Variants in ZNF536 observed in about 807,000 individuals in gnomAD.
The protein encoded by ZNF536 is zinc finger protein 536.
A neutral mutation model predicts 84.5 loss-of-function variants in ZNF536; 13 were observed. That is an observed-to-expected ratio of 0.15 (90% confidence interval 0.10 to 0.24). The LOEUF is 0.24. Ranked by LOEUF, ZNF536 falls within the 10% of genes least tolerant of loss-of-function variation. The probability of loss-of-function intolerance (pLI) is 1.00; values close to 1 mark genes in which losing one functional copy is unlikely to be tolerated. For missense variants in ZNF536, 1,536 were observed against 1,747.5 expected (o/e 0.88, Z 2.16); for synonymous variants, 811 against 742.5 (o/e 1.09, Z -1.50).
intron 1 of ZNF536, among the ~76,000 whole-genome samples, chr19:30,387,163 G>A (rs890882881): frequency 6.6e-6 from 1 of 152,216 alleles, no homozygotes; most frequent in Non-Finnish European, 1.5e-5. Flanking sequence ...GGGCTCCAAT[G>A]TCCCTTGGCT....
At position 30,455,035 on chromosome 19, in the gene ZNF536, A is replaced by AAAACAAAC. The variant is rs56166320; in HGVS notation, c.2170+9331_2170+9338dup. Among the ~76,000 whole-genome samples the AAAACAAAC allele has an allele frequency of 8.8e-3, 1,313 of 149,822 alleles. 9 individuals are homozygous for AAAACAAAC. Among genetic ancestry groups the AAAACAAAC allele is most frequent in the Middle Eastern group, 0.031 (9 of 292 alleles). ...GCAACAAGAGCAAAACTCCATCTCAAAAACAAACAAACAAACAAACAAACA... is the reference window on the plus strand; with the variant it reads ...GCAACAAGAGCAAAACTCCATCTCAAAAACAAACAAACAAACAAACAAACAAACAAACA... On this transcript the variant is annotated intron_variant, in intron 2 of 4. Coordinates refer to ENST00000355537, the MANE Select transcript of ZNF536 (RefSeq NM_014717.3).
rs115947428 is a variant in ZNF536, at chr19:30,610,366, T to C, written c.169+60852T>C. 4.7e-3 allele frequency among the ~76,000 whole-genome samples: 714 copies of C among 152,266 alleles called. 6 individuals carry two copies. The highest frequency in any genetic ancestry group is 0.016 in the African/African-American group (680 of 41,546). On this transcript the variant is annotated intron_variant, in intron 1 of 1. Coordinates refer to the ZNF536 transcript ENST00000592773. ...CTGGGAGAGCTGATACTTCTTCACATGGCAGGCTGGGCTGGCACATTTGGG... is the reference window on the plus strand; with the variant it reads ...CTGGGAGAGCTGATACTTCTTCACACGGCAGGCTGGGCTGGCACATTTGGG...
intron 1 of ZNF536, among the ~76,000 whole-genome samples, chr19:30,252,959 A>G (rs923589090): frequency 6.6e-5 from 10 of 152,236 alleles, no homozygotes; most frequent in Admixed American, 1.3e-4. Flanking sequence ...TAAAGAAGGT[A>G]GAGAATGTTT....
intron 1 of ZNF536, among the ~76,000 whole-genome samples, chr19:30,591,355 T>G (rs565792560): frequency 2.6e-5 from 4 of 152,180 alleles, no homozygotes; most frequent in Non-Finnish European, 5.9e-5. Flanking sequence ...AGAGGTTTAA[T>G]GGACTCACAG....
chr19:30,234,729 G>A (rs1467352359), intron 1 of ZNF536, among the ~76,000 whole-genome samples: 2 of 147,888 alleles, frequency 1.4e-5, no homozygotes, highest in Non-Finnish European at 3.0e-5. Context: ...GCTTTTTGTT[G>A]CTTTATTACT....
At chr19:30,235,881 G>A (rs1434990516) in intron 1 of ZNF536, among the ~76,000 whole-genome samples, 6 of 152,256 alleles carry the variant, frequency 3.9e-5, no homozygotes, top group Non-Finnish European at 8.8e-5. Flanking sequence ...TTGATGCCAA[G>A]TGGCTATTTC....
intron 1 of ZNF536, among the ~76,000 whole-genome samples, chr19:30,393,237 C>T (rs551622251): frequency 1.3e-5 from 2 of 151,896 alleles, no homozygotes; most frequent in Non-Finnish European, 2.9e-5. Flanking sequence ...GGGTTGGGGG[C>T]GGGGGAGAGG....
intron 1 of ZNF536, among the ~76,000 whole-genome samples, chr19:30,701,647 C>G (rs1235985917): frequency 6.6e-6 from 1 of 152,232 alleles, no homozygotes; most frequent in African/African-American, 2.4e-5. Flanking sequence ...AGAGGCCCCT[C>G]TTTGTAGAGA....
Position 30,522,809 on chromosome 19 carries a change from T to G in ZNF536, c.2171-12038T>G, listed in dbSNP as rs1355016927. Among the ~76,000 whole-genome samples the G allele has an allele frequency of 5.2e-4, 79 of 152,192 alleles. 1 individual carries two copies. Among genetic ancestry groups the G allele is most frequent in the Admixed American group, 5.2e-3 (79 of 15,272 alleles). On this transcript the variant is annotated intron_variant, in intron 2 of 4. Transcript: ENST00000355537. ...GCTTTCAATTATCTTAAGGATTTGT[T>G]GATTATTTATTTTAATATGGTTCTA...
At chr19:30,667,400 C>T (rs954762733) in intron 1 of ZNF536, among the ~76,000 whole-genome samples, 16 of 152,252 alleles carry the variant, frequency 1.1e-4, no homozygotes, top group African/African-American at 3.6e-4. Context: ...CACCTGCACC[C>T]TCCCACGCTA....
chr19:30,544,415 T>G (rs2045463344), intron 3 of ZNF536, among the ~76,000 whole-genome samples: 1 of 152,146 alleles, frequency 6.6e-6, no homozygotes, highest in African/African-American at 2.4e-5. Context: ...GAATTAGCCT[T>G]TCTTGTTTCT....
At chr19:30,542,930 G>A (rs1157719063) in intron 3 of ZNF536, among the ~76,000 whole-genome samples, 1 of 152,068 alleles carries the variant, frequency 6.6e-6, no homozygotes, top group Non-Finnish European at 1.5e-5. Flanking sequence ...TCCTGCCTCA[G>A]CCTCCCAAGT....
chr19:30,401,116 C>CA (rs986258078), intron 1 of ZNF536, among the ~76,000 whole-genome samples: 106 of 152,234 alleles, frequency 7.0e-4, no homozygotes, highest in Admixed American at 3.1e-3. Context: ...CCATTTGCTG[C>CA]AAAAAACTCT....
chr19:30,492,275 T>C (rs956448785), intron 2 of ZNF536, among the ~76,000 whole-genome samples: 1 of 152,228 alleles, frequency 6.6e-6, no homozygotes, highest in Non-Finnish European at 1.5e-5. Flanking sequence ...GCGTTTTTAT[T>C]ATATGAGACA....
At chr19:30,325,172 C>T (rs1035092521) in intron 2 of ZNF536, among the ~76,000 whole-genome samples, 58 of 152,194 alleles carry the variant, frequency 3.8e-4, no homozygotes, top group African/African-American at 7.7e-4. Flanking sequence ...AGTGCACAGA[C>T]GCCCGTCTAG....
At chr19:30,367,330 G>A (rs945808194) in intron 3 of ZNF536, among the ~76,000 whole-genome samples, 3 of 152,310 alleles carry the variant, frequency 2.0e-5, no homozygotes, top group Admixed American at 2.0e-4. Flanking sequence ...TGAATGAAGT[G>A]TCTCAGACAA....
chr19:30,566,286 TC>T (rs1241399990), intron 1 of ZNF536, among the ~76,000 whole-genome samples: 1 of 152,074 alleles, frequency 6.6e-6, no homozygotes, highest in East Asian at 1.9e-4. Flanking sequence ...GATGACTGTT[TC>T]CCCAAAATAT....
At chr19:30,572,743 G>C (rs2046595376) in intron 1 of ZNF536, among the ~76,000 whole-genome samples, 1 of 152,172 alleles carries the variant, frequency 6.6e-6, no homozygotes, top group Admixed American at 6.5e-5. Context: ...TGAAGATGCT[G>C]AGGCAGGAGG....
chr19:30,484,685 C>CTT (rs869242666), intron 2 of ZNF536, among the ~76,000 whole-genome samples: 12 of 120,186 alleles, frequency 1.0e-4, no homozygotes, highest in African/African-American at 3.4e-4. Flanking sequence ...TCTTCTTCTT[C>CTT]TTTTTTTTTT....
Sources: allele counts gnomAD v4.1 joint callset (sites outside exome capture counted in the v4.1 genomes callset), GRCh38; gene constraint gnomAD v4.1.1; transcripts MANE v1.5; gene names NCBI Gene and HGNC (gene_info 2026-07-23, HGNC 2026-07-21).